CCSER2: variants seen among roughly 807,000 people sequenced by gnomAD.
CCSER2 encodes the protein serine-rich coiled-coil domain-containing protein 2.
A neutral mutation model predicts 92.3 loss-of-function variants in CCSER2; 46 were observed. That is an observed-to-expected ratio of 0.50 (90% CI 0.39 to 0.64). CCSER2 has a LOEUF of 0.64. Among genes scored for constraint, CCSER2 ranks in the 30% least tolerant of loss-of-function variants. The pLI is 0.00. For synonymous variants in CCSER2, 433 were observed against 431.4 expected (o/e 1.00, Z -0.04); for missense variants, 1,244 against 1,238.9 (o/e 1.00, Z -0.06).
At position 84,361,831 on chromosome 10, in the gene CCSER2, G is replaced by T. The variant is rs908541540; in HGVS notation, c.-39-9183G>T. Among the ~76,000 whole-genome samples, 6 of 151,804 alleles carry T rather than the reference G, an allele frequency of 4.0e-5. No individual in the cohort carries two copies. In the South Asian group the frequency reaches 6.2e-4, roughly 16 times the overall value. ...AATTTTGTATTTTGAGTAGAGACAG[G>T]GTTTCTCCACATTGGTCAGGCTGGT... On this transcript the variant is annotated intron_variant, in intron 1 of 9. Coordinates refer to ENST00000372088, the MANE Select transcript of CCSER2 (RefSeq NM_001284240.2).
intron 9 of CCSER2, among the ~76,000 whole-genome samples, chr10:84,510,847 A>G (rs550968485): frequency 2.9e-4 from 44 of 152,298 alleles, no homozygotes; most frequent in African/African-American, 1.0e-3. Flanking sequence ...AGTCTTCCAC[A>G]TACCAGGAGC....
At position 84,501,290 on chromosome 10, in the gene CCSER2, A is replaced by G. The variant is rs530523580; in HGVS notation, c.2326-12159A>G. 4.6e-5 allele frequency among the ~76,000 whole-genome samples: 7 copies of G among 152,338 alleles called. No individual in the cohort carries two copies. The South Asian group carries it at 1.2e-3, about 27-fold the overall frequency. ...TCATCTGAAATTTCAAAGGGCAGAT[A>G]CAACAAATTATATGTTCTTAGGCTT... On this transcript the variant is annotated intron_variant, in intron 9 of 9. Coordinates refer to ENST00000372088, the MANE Select transcript of CCSER2 (RefSeq NM_001284240.2).
intron 3 of CCSER2, among the ~76,000 whole-genome samples, chr10:84,407,977 G>A (rs1208232864): frequency 2.0e-5 from 3 of 152,010 alleles, no homozygotes; most frequent in Non-Finnish European, 4.4e-5. Flanking sequence ...GGGAGGGGCG[G>A]GTGGCACTGA....
intron 9 of CCSER2, among the ~76,000 whole-genome samples, chr10:84,512,366 CAGTGTG>C (rs1220453585): frequency 1.0e-5 from 1 of 97,148 alleles, no homozygotes; most frequent in African/African-American, 3.9e-5. Context: ...ATTATTTAAA[CAGTGTG>C]TGTGTGTGTG....
intron 9 of CCSER2, among the ~76,000 whole-genome samples, chr10:84,510,086 A>G (rs1849273737): frequency 6.6e-6 from 1 of 152,118 alleles, no homozygotes; most frequent in Admixed American, 6.6e-5. Context: ...CTACAGCACA[A>G]AGTCATAGCT....
intron 1 of CCSER2, among the ~76,000 whole-genome samples, chr10:84,368,732 G>A (rs1226990735): frequency 2.0e-5 from 3 of 152,012 alleles, no homozygotes; most frequent in Non-Finnish European, 2.9e-5. Context: ...CTGCATGAAT[G>A]AATTGTGTAG....
chr10:84,344,881 T>G (rs1844394948), intron 1 of CCSER2, among the ~76,000 whole-genome samples: 1 of 152,188 alleles, frequency 6.6e-6, no homozygotes, highest in Non-Finnish European at 1.5e-5. Flanking sequence ...TGTCTATATG[T>G]GATTTCCCTA....
rs548270272 is a variant in CCSER2 at position 84,482,517 on chromosome 10, A to G, written c.2325+4853A>G. ...ATTATCTTGGACTGAATTTATTTTT[A>G]TGTATTTCCAATACTGTTTTAAAAG... On this transcript the variant is annotated intron_variant, in intron 9 of 9. Coordinates refer to ENST00000372088, the MANE Select transcript of CCSER2 (RefSeq NM_001284240.2). Among the ~76,000 whole-genome samples the G allele has an allele frequency of 3.9e-5, 6 of 152,348 alleles. No homozygotes were observed. The South Asian group carries it at 8.3e-4, about 21-fold the overall frequency.
intron 3 of CCSER2, among the ~76,000 whole-genome samples, chr10:84,399,752 CTT>C (rs1408933624): frequency 2.7e-5 from 4 of 145,876 alleles, no homozygotes; most frequent in Non-Finnish European, 3.0e-5. Context: ...TTCATTTTCT[CTT>C]TGTTTTCATT....
At chr10:84,402,734 A>G (rs376240656) in intron 3 of CCSER2, among the ~76,000 whole-genome samples, 3 of 152,220 alleles carry the variant, frequency 2.0e-5, no homozygotes, top group African/African-American at 4.8e-5. Flanking sequence ...CGAGAACAAG[A>G]CAAATATGTC....
chr10:84,355,697 G>A (rs1845130438), intron 1 of CCSER2, among the ~76,000 whole-genome samples: 1 of 152,206 alleles, frequency 6.6e-6, no homozygotes, highest in Non-Finnish European at 1.5e-5. Flanking sequence ...TGTATTTTAA[G>A]TCATTGGTGT....
At chr10:84,414,474 C>T (rs983987928) in intron 3 of CCSER2, among the ~76,000 whole-genome samples, 8 of 152,094 alleles carry the variant, frequency 5.3e-5, no homozygotes, top group Non-Finnish European at 1.0e-4. Context: ...TGAATATTGG[C>T]CCCCAACTTC....
intron 3 of CCSER2, among the ~76,000 whole-genome samples, chr10:84,379,884 C>T (rs1840802056): frequency 6.6e-6 from 1 of 151,656 alleles, no homozygotes; most frequent in Non-Finnish European, 1.5e-5. Flanking sequence ...TTCTCTGTTC[C>T]CCTGCTAATC....
chr10:84,420,157 T>C (rs1564645075), intron 4 of CCSER2, among the ~76,000 whole-genome samples: 1 of 152,348 alleles, frequency 6.6e-6, no homozygotes, highest in East Asian at 1.9e-4. Context: ...TCTTAGAGCC[T>C]GCCTTATCTT....
intron 3 of CCSER2, among the ~76,000 whole-genome samples, chr10:84,384,007 G>A (rs540565305): frequency 1.4e-4 from 22 of 152,096 alleles, no homozygotes; most frequent in Admixed American, 2.0e-4. Flanking sequence ...AGACTGCTAT[G>A]AACATCTCTA....
intron 9 of CCSER2, among the ~76,000 whole-genome samples, chr10:84,486,570 G>A (rs1272196959): frequency 1.3e-5 from 2 of 152,282 alleles, no homozygotes; most frequent in South Asian, 2.1e-4. Context: ...CATATCCTTT[G>A]CCCACTTGTT....
At chr10:84,344,069 C>T (rs1045482335) in intron 1 of CCSER2, among the ~76,000 whole-genome samples, 2 of 152,190 alleles carry the variant, frequency 1.3e-5, no homozygotes, top group Non-Finnish European at 2.9e-5. Context: ...CACTGTACCT[C>T]TGCATCATTT....
At chr10:84,512,496 T>G (rs1849416194) in intron 9 of CCSER2, among the ~76,000 whole-genome samples, 1 of 152,104 alleles carries the variant, frequency 6.6e-6, no homozygotes, top group Non-Finnish European at 1.5e-5. Flanking sequence ...TTTAACTATT[T>G]GGGCCATTGA....
chr10:84,376,238 A>G (rs377380008), intron 3 of CCSER2, among the ~76,000 whole-genome samples: 1 of 152,286 alleles, frequency 6.6e-6, no homozygotes, highest in Non-Finnish European at 1.5e-5. Context: ...AGTATTATGC[A>G]GAGGTCTGAT....
Sources: gnomAD v4.1 joint callset for allele counts (sites outside exome capture counted in the v4.1 genomes callset) on GRCh38, gnomAD v4.1.1 for gene constraint, MANE v1.5 for transcripts, NCBI Gene and HGNC (gene_info 2026-07-23, HGNC 2026-07-21) for gene names.